Variants in COL28A1 observed in about 807,000 individuals in gnomAD.
COL28A1 encodes the protein collagen type XXVIII alpha 1 chain, also known as collagen alpha-1(XXVIII) chain.
COL28A1 carries 161 observed loss-of-function variants against 150.2 expected under a neutral mutation model. The ratio of observed to expected loss-of-function variants is 1.07; its 90% confidence interval spans 0.94 to 1.22. The LOEUF (loss-of-function observed/expected upper bound fraction) is 1.22, where lower values mean the gene tolerates loss of function less well. Among genes scored for constraint, COL28A1 ranks in the 50% most tolerant of loss-of-function variants. The pLI is 0.00. For missense variants in COL28A1, 1,617 were observed against 1,388.3 expected (o/e 1.16, Z -2.62); for synonymous variants, 552 against 469.7 (o/e 1.18, Z -2.26).
chr7:7,483,668 A>G (rs979684888), intron 13 of COL28A1, among the ~76,000 whole-genome samples: 2 of 152,204 alleles, frequency 1.3e-5, no homozygotes, highest in Non-Finnish European at 2.9e-5. Context: ...AGTACAAAAC[A>G]TAAAAGAAAA....
intron 19 of COL28A1, 31 bp downstream of exon 19, chr7:7,444,387 T>C (rs756987142): frequency 1.2e-6 from 2 of 1,613,530 alleles, no homozygotes; most frequent in East Asian, 2.2e-5. Context: ...CAACAGTTCC[T>C]ACTCCAGTAA....
At position 7,524,281 on chromosome 7, in the gene COL28A1, C is replaced by T. The variant is rs765889943; in HGVS notation, c.682-32G>A. On this transcript the variant is annotated intron_variant, in intron 3 of 34. Transcript: ENST00000399429. ...GGGAAAAAAGAATGAAGCATTAACT[C>T]GATTGATAGTTCTGCCTCCAGCTAC... 30 of 1,199,726 alleles carry T rather than the reference C, an allele frequency of 2.5e-5. No individual in the cohort carries two copies. In the South Asian group the frequency reaches 3.2e-4, roughly 13 times the overall value. The allele number at this position is 1,199,726 out of a possible 1,614,324, so 74.3% of individuals were successfully genotyped here. A position where few individuals can be genotyped will look rare whatever the true frequency, so the allele number is the denominator to read the frequency against.
rs148629025 is a variant in COL28A1 at position 7,427,101 on chromosome 7, A to T, written c.1998+5372T>A. Among the ~76,000 whole-genome samples the T allele has an allele frequency of 1.4e-3, 217 of 152,328 alleles. 2 individuals are homozygous for T. Among genetic ancestry groups the T allele is most frequent in the African/African-American group, 4.8e-3 (199 of 41,572 alleles). On this transcript the variant is annotated intron_variant, in intron 25 of 34. Transcript: ENST00000399429. ...ATAAGAAGAGAAATACAAAGCTAGG[A>T]AAACAGCAAGGAGAGATGAAAGCAA...
At chr7:7,534,233 T>A (rs1237361286) in intron 1 of COL28A1, among the ~76,000 whole-genome samples, 1 of 152,180 alleles carries the variant, frequency 6.6e-6, no homozygotes, top group East Asian at 1.9e-4. Flanking sequence ...GTGTAGCAAT[T>A]GGCCAAATGC....
intron 27 of COL28A1, among the ~76,000 whole-genome samples, chr7:7,388,171 C>A (rs1412648345): frequency 6.6e-6 from 1 of 151,918 alleles, no homozygotes; most frequent in Non-Finnish European, 1.5e-5. Flanking sequence ...TAGCCCCCCA[C>A]CCCATGACAG....
At chr7:7,449,294 A>G (rs1786501750) in intron 18 of COL28A1, among the ~76,000 whole-genome samples, 1 of 152,124 alleles carries the variant, frequency 6.6e-6, no homozygotes, top group African/African-American at 2.4e-5. Context: ...TAACAAGTTA[A>G]AAGTGGAAAA....
chr7:7,459,894 G>C (rs993618773), intron 15 of COL28A1, among the ~76,000 whole-genome samples: 3 of 152,278 alleles, frequency 2.0e-5, no homozygotes, highest in South Asian at 2.1e-4. Context: ...TCTGAGCACA[G>C]ACAAAAACAG....
chr7:7,349,877 A>G, the COL28A1 span, among the ~76,000 whole-genome samples: 1 of 152,190 alleles, frequency 6.6e-6, no homozygotes, highest in African/African-American at 2.4e-5. Flanking sequence ...GAGGGAGTGA[A>G]GAAGGGAAAA....
intron 13 of COL28A1, 123 bp from the exon 14 acceptor site, chr7:7,477,303 G>C: frequency 1.5e-6 from 1 of 661,322 alleles, no homozygotes; most frequent in Non-Finnish European, 2.7e-6. Context: ...AAAAAAAAAT[G>C]GATAGTTGGA....
intron 13 of COL28A1, among the ~76,000 whole-genome samples, chr7:7,483,799 A>G (rs889733140): frequency 9.9e-5 from 15 of 152,194 alleles, no homozygotes; most frequent in African/African-American, 3.4e-4. Flanking sequence ...TCTTATGGAA[A>G]TAATGGAAAA....
chr7:7,446,952 G>C (rs1311444738), intron 18 of COL28A1, among the ~76,000 whole-genome samples: 1 of 152,174 alleles, frequency 6.6e-6, no homozygotes, highest in South Asian at 2.1e-4. Flanking sequence ...ACATGTGTGT[G>C]AAGAAACTAC....
chr7:7,440,944 G>A, intron 20 of COL28A1, 83 bp from the exon 21 acceptor site: 2 of 705,276 alleles, frequency 2.8e-6, no homozygotes, highest in Non-Finnish European at 5.1e-6. Context: ...AGCGGAGCCG[G>A]ATTCTCGACT....
chr7:7,487,444 G>A (rs1306408280), intron 13 of COL28A1, among the ~76,000 whole-genome samples: 3 of 152,048 alleles, frequency 2.0e-5, no homozygotes, highest in Non-Finnish European at 4.4e-5. Flanking sequence ...CAGGCATGGT[G>A]GCGGGCACCT....
rs981159755 is a variant in COL28A1, at chr7:7,436,413, A to C, written c.1842T>G (p.Leu614=). ...AGCATACCTTTGGTCCTCGAATAGA[A>C]AGTCCAGGTTCTCCCTTAAATCCAG... The part of the protein sequence containing the change: ...GIPGFKGEPG[L]SIRGPKGVQG... The change falls in exon 23 of 35, where the codon CTT becomes CTG. Residue 614 remains leucine (L), a synonymous_variant. Transcript: ENST00000399429. The C allele has an allele frequency of 4.9e-6, 7 of 1,418,636 alleles. No individual in the cohort carries two copies. Among genetic ancestry groups the C allele is most frequent in the Non-Finnish European group, 7.0e-6 (7 of 1,001,292 alleles). The allele number at this position is 1,418,636 out of a possible 1,614,324, so 87.9% of individuals were successfully genotyped here.
intron 27 of COL28A1, among the ~76,000 whole-genome samples, chr7:7,400,367 G>A (rs552835949): frequency 3.5e-4 from 53 of 152,266 alleles, no homozygotes; most frequent in African/African-American, 1.3e-3. Context: ...GGGTGAAGCA[G>A]AGTCAGACAG....
At chr7:7,512,772 G>T (rs1165316812) in intron 8 of COL28A1, among the ~76,000 whole-genome samples, 1 of 152,084 alleles carries the variant, frequency 6.6e-6, no homozygotes, top group Non-Finnish European at 1.5e-5. Context: ...AACACAATTG[G>T]ATATGTCAAA....
intron 13 of COL28A1, among the ~76,000 whole-genome samples, chr7:7,487,200 CTTAAG>C (rs1779673357): frequency 1.4e-5 from 2 of 140,966 alleles, no homozygotes; most frequent in African/African-American, 3.2e-5. Context: ...GACACTCATT[CTTAAG>C]TTTAGTGCTG....
At position 7,358,290 on chromosome 7, in the gene COL28A1, G is replaced by A. The variant is rs73345208; in HGVS notation, c.*343C>T. On this transcript the variant is annotated 3_prime_UTR_variant, in exon 35 of 35. Transcript: ENST00000399429. Reference sequence around the variant, plus strand: ...AGGGGTAGGGGTTTGAGCTGACATAGTACATACAACAGGAATTAAAGGAAT... The same window carrying A: ...AGGGGTAGGGGTTTGAGCTGACATAATACATACAACAGGAATTAAAGGAAT... The A allele has an allele frequency of 3.1e-3, 556 of 179,518 alleles. 4 individuals carry two copies. Among genetic ancestry groups the A allele is most frequent in the African/African-American group, 0.013 (535 of 42,200 alleles). 11.1% of individuals were successfully genotyped at this position (179,518 alleles called of 1,614,324 possible). A position where few individuals can be genotyped will look rare whatever the true frequency, so the allele number is the denominator to read the frequency against.
chr7:7,376,772 T>A (rs1369659570), intron 30 of COL28A1, among the ~76,000 whole-genome samples: 1 of 152,184 alleles, frequency 6.6e-6, no homozygotes, highest in Non-Finnish European at 1.5e-5. Flanking sequence ...AATACTATAT[T>A]ATAATTCATT....
Sources: allele counts gnomAD v4.1 joint callset (sites outside exome capture counted in the v4.1 genomes callset), GRCh38; gene constraint gnomAD v4.1.1; transcripts MANE v1.5; gene names NCBI Gene and HGNC (gene_info 2026-07-23, HGNC 2026-07-21).